CEP290: variants seen among roughly 807,000 people sequenced by gnomAD.
CEP290 encodes the protein centrosomal protein of 290 kDa.
A neutral mutation model predicts 344.9 loss-of-function variants in CEP290; 317 were observed. That is an observed-to-expected ratio of 0.92 (90% CI 0.84 to 1.01). The LOEUF (loss-of-function observed/expected upper bound fraction) is 1.01, where lower values mean the gene tolerates loss of function less well. Among genes scored for constraint, CEP290 ranks in the 50% least tolerant of loss-of-function variants. The pLI is 0.00. For missense variants in CEP290, 2,754 were observed against 2,761.4 expected (o/e 1.00, Z 0.06); for synonymous variants, 932 against 895.8 (o/e 1.04, Z -0.72).
At chr12:88,079,698 G>C (rs1284847453) in intron 38 of CEP290, among the ~76,000 whole-genome samples, 1 of 151,862 alleles carries the variant, frequency 6.6e-6, no homozygotes, top group Non-Finnish European at 1.5e-5. Context: ...TCAAATCTGA[G>C]ATAAACTAAA....
At chr12:88,118,044 TTAATAA>T (rs537270767) in intron 17 of CEP290, among the ~76,000 whole-genome samples, 4 of 150,090 alleles carry the variant, frequency 2.7e-5, no homozygotes, top group African/African-American at 7.3e-5. Context: ...ATCTCAAATA[TTAATAA>T]TAATAATAAT....
intron 44 of CEP290, among the ~76,000 whole-genome samples, chr12:88,065,210 G>A (rs1195309676): frequency 1.3e-5 from 2 of 150,852 alleles, no homozygotes; most frequent in Non-Finnish European, 3.0e-5. Flanking sequence ...TCTCTCTATT[G>A]GCTTGATGGG....
intron 26 of CEP290, among the ~76,000 whole-genome samples, chr12:88,102,251 T>A (rs1408414580): frequency 6.6e-6 from 1 of 152,232 alleles, no homozygotes; most frequent in Admixed American, 6.5e-5. Context: ...CTAGTTTTTT[T>A]ATTTTTTATT....
In CEP290 at chr12:88,068,552, C is replaced by T. The variant is rs754426182; in HGVS notation, c.6105G>A (p.Gln2035=). Residue 2035 remains glutamine (Q), a synonymous_variant, in exon 44 of 54, where the codon CAG becomes CAA. Coordinates refer to ENST00000552810, the MANE Select transcript of CEP290 (RefSeq NM_025114.4). Reference sequence around the variant, plus strand: ...GCTTAGAATATGTATCCTTTGAAAACTGTTTTTCTAAAGCATGAAGTTTTT... The same window carrying T: ...GCTTAGAATATGTATCCTTTGAAAATTGTTTTTCTAAAGCATGAAGTTTTT... ...LQEKLHALEK[Q]FSKDTYSKPS... is the part of the protein sequence containing the mutation. The T allele has an allele frequency of 1.3e-6, 2 of 1,571,386 alleles. No individual in the cohort carries two copies. The highest frequency in any genetic ancestry group is 1.7e-6 in the Non-Finnish European group (2 of 1,158,512).
intron 26 of CEP290, among the ~76,000 whole-genome samples, chr12:88,100,222 A>T (rs1411298191): frequency 6.6e-6 from 1 of 151,816 alleles, no homozygotes; most frequent in Non-Finnish European, 1.5e-5. Flanking sequence ...GTAAGCCAAG[A>T]TCACTCCACT....
intron 44 of CEP290, 103 bp from the exon 45 acceptor site, chr12:88,064,218 T>G: frequency 1.0e-6 from 1 of 978,478 alleles, no homozygotes; most frequent in Non-Finnish European, 1.5e-6. Flanking sequence ...CTTTTTTTCC[T>G]CAAAGGAATA....
At chr12:88,084,542 A>G in intron 35 of CEP290, 44 bp downstream of exon 35, 1 of 1,522,786 alleles carries the variant, frequency 6.6e-7, no homozygotes, top group African/African-American at 1.4e-5. Context: ...ATTTGCTTAA[A>G]AAAACTAATG....
intron 47 of CEP290, among the ~76,000 whole-genome samples, chr12:88,060,318 C>G (rs1487105016): frequency 6.6e-6 from 1 of 151,956 alleles, no homozygotes; most frequent in African/African-American, 2.4e-5. Flanking sequence ...CAAAGAGACA[C>G]AGAGGCCGCA....
rs543382642 is a variant in CEP290, at chr12:88,071,628, T to A, written c.5855+153A>T. ...TGTTACAATATATTTAAAACAGATT[T>A]TAAAGAAAATAAAAAGTAAGTAAAT... On this transcript the variant is annotated intron_variant, in intron 42 of 53. Coordinates refer to ENST00000552810, the MANE Select transcript of CEP290 (RefSeq NM_025114.4). Among the ~76,000 whole-genome samples the A allele has an allele frequency of 4.5e-4, 69 of 152,176 alleles. 1 individual carries two copies. In the South Asian group the frequency reaches 5.2e-3, roughly 11 times the overall value.
chr12:88,051,294 G>A (rs373725495), intron 52 of CEP290, among the ~76,000 whole-genome samples: 2 of 149,896 alleles, frequency 1.3e-5, no homozygotes, highest in East Asian at 2.0e-4. Context: ...TGCCTCCCAG[G>A]TTAAAGCGAT....
intron 20 of CEP290, 69 bp from the exon 21 acceptor site, chr12:88,111,927 T>C (rs2038720805): frequency 8.7e-7 from 1 of 1,146,224 alleles, no homozygotes; most frequent in East Asian, 3.0e-5. Context: ...AAACAGTCTG[T>C]CTTTAAATAA....
At chr12:88,075,015 T>C (rs2035654586) in intron 41 of CEP290, among the ~76,000 whole-genome samples, 1 of 152,098 alleles carries the variant, frequency 6.6e-6, no homozygotes, top group African/African-American at 2.4e-5. Flanking sequence ...AACCCAAAGC[T>C]GGGGGCTGGG....
rs2040490665 is a variant in CEP290, at chr12:88,139,024, CA to C, written c.297+120del. The C allele has an allele frequency of 5.9e-5, 35 of 598,288 alleles. 1 individual carries two copies. In the South Asian group the frequency reaches 6.3e-4, roughly 11 times the overall value. The allele number at this position is 598,288 out of a possible 1,614,324, so 37.1% of individuals were successfully genotyped here. ...GCATGTAGAACATATACAGAATAAA[CA>C]AATAACCATGATTACAATCATCCTT... On this transcript the variant is annotated intron_variant, in intron 5 of 53. Coordinates refer to ENST00000552810, the MANE Select transcript of CEP290 (RefSeq NM_025114.4).
At chr12:88,136,921 C>A in intron 5 of CEP290, 135 bp from the exon 6 acceptor site, 3 of 821,288 alleles carry the variant, frequency 3.7e-6, no homozygotes, top group Admixed American at 2.9e-5. Context: ...ATCATATTAG[C>A]TTAAGAACTT....
At chr12:88,124,629 G>A (rs991154158) in intron 13 of CEP290, among the ~76,000 whole-genome samples, 12 of 151,906 alleles carry the variant, frequency 7.9e-5, no homozygotes, top group South Asian at 2.1e-4. Context: ...TTCCATGCGC[G>A]TGTGTATAAA....
chr12:88,128,368 A>G (rs929416540), intron 11 of CEP290, among the ~76,000 whole-genome samples: 6 of 152,182 alleles, frequency 3.9e-5, no homozygotes, highest in Admixed American at 2.6e-4. Flanking sequence ...ATAGTTTTTA[A>G]AATTAGAATT....
intron 29 of CEP290, among the ~76,000 whole-genome samples, chr12:88,091,116 C>T (rs2037002952): frequency 6.6e-6 from 1 of 152,108 alleles, no homozygotes; most frequent in African/African-American, 2.4e-5. Flanking sequence ...GAGGTTCTAT[C>T]ATATATAATT....
At chr12:88,049,456 T>C (rs1394198580) in intron 53 of CEP290, 42 bp from the exon 54 acceptor site, 6 of 1,002,796 alleles carry the variant, frequency 6.0e-6, no homozygotes, top group Middle Eastern at 3.1e-4. Context: ...ATAGGAAATA[T>C]ACATATTTTA....
intron 6 of CEP290, among the ~76,000 whole-genome samples, chr12:88,135,427 C>T (rs761699409): frequency 4.1e-4 from 63 of 152,230 alleles, no homozygotes; most frequent in Non-Finnish European, 7.4e-4. Context: ...CCACAGACAT[C>T]CCCCTAAGCA....
Sources: allele counts gnomAD v4.1 joint callset (sites outside exome capture counted in the v4.1 genomes callset), GRCh38; gene constraint gnomAD v4.1.1; transcripts MANE v1.5; gene names NCBI Gene and HGNC (gene_info 2026-07-23, HGNC 2026-07-21).